Variants in CDH3 observed in about 807,000 individuals in gnomAD.
CDH3 encodes cadherin 3.
Under a neutral mutation model 82.0 loss-of-function variants are expected in CDH3, and 54 were observed. The observed-to-expected ratio is 0.66, with a 90% CI of 0.53 to 0.83. CDH3 has a LOEUF of 0.83. Ranked by LOEUF, CDH3 falls within the 40% of genes least tolerant of loss-of-function variation. The pLI, the probability that CDH3 is intolerant of heterozygous loss-of-function variation, is 0.00. For synonymous variants in CDH3, 446 were observed against 437.9 expected, an observed-to-expected ratio of 1.02 and a Z score of -0.23; for missense variants, 1,054 against 1,084.6, an observed-to-expected ratio of 0.97 and a Z score of 0.40.
At chr16:68,663,607 G>T (rs1960657480) in intron 2 of CDH3, among the ~76,000 whole-genome samples, 1 of 151,886 alleles carries the variant, frequency 6.6e-6, no homozygotes, top group Non-Finnish European at 1.5e-5. Context: ...TTTTTAAATG[G>T]AGATTTTTGC....
chr16:68,700,457 G>C (rs759650365), downstream of CDH3, among the ~76,000 whole-genome samples: 1 of 152,218 alleles, frequency 6.6e-6, no homozygotes, highest in African/African-American at 2.4e-5. Context: ...AGACTCTGAA[G>C]GATGAGGCCA....
intron 1 of CDH3, among the ~76,000 whole-genome samples, chr16:68,716,887 A>AT (rs1157497529): frequency 6.9e-6 from 1 of 144,908 alleles, no homozygotes; most frequent in Admixed American, 7.0e-5. Flanking sequence ...CCATGCCCAG[A>AT]TTTTTTTCTT....
intron 2 of CDH3, among the ~76,000 whole-genome samples, chr16:68,647,065 A>AG (rs1279083270): frequency 6.6e-6 from 1 of 152,186 alleles, no homozygotes; most frequent in African/African-American, 2.4e-5. Flanking sequence ...GGCTGTAGGG[A>AG]GCTGAGGAGA....
intron 2 of CDH3, chr16:68,651,877 C>A: frequency 2.2e-6 from 1 of 461,436 alleles, no homozygotes; most frequent in South Asian, 1.8e-5. Flanking sequence ...TTCTGGGGGT[C>A]ATATCTGGAC....
intron 2 of CDH3, among the ~76,000 whole-genome samples, chr16:68,666,787 T>A (rs913176434): frequency 1.3e-5 from 2 of 152,206 alleles, no homozygotes; most frequent in Non-Finnish European, 2.9e-5. Flanking sequence ...GCAAAATACT[T>A]TTTCCTGGGT....
chr16:68,713,301 A>T (rs1252554379), intron 1 of CDH3, among the ~76,000 whole-genome samples: 1 of 152,090 alleles, frequency 6.6e-6, no homozygotes, highest in Admixed American at 6.6e-5. Context: ...AGGGGGAAAA[A>T]GTTCCCTAAT....
Position 68,686,412 on chromosome 16 carries a change from C to T in CDH3, c.1570+1062C>T, listed in dbSNP as rs545531861. The T allele has an allele frequency of 1.5e-5, 21 of 1,362,040 alleles. 1 individual carries two copies. The South Asian group carries it at 2.3e-4, about 15-fold the overall frequency. 84.4% of individuals were successfully genotyped at this position (1,362,040 alleles called of 1,614,324 possible). On this transcript the variant is annotated intron_variant, in intron 11 of 15. Coordinates refer to ENST00000264012, the MANE Select transcript of CDH3 (RefSeq NM_001793.6). ...ACAAGCATTTAGAAAGTTTCTTCCA[C>T]TCTTTGACCGAGTATTGGTTGAAAG...
chr16:68,687,668 C>T lies in CDH3; in HGVS notation c.1727C>T (p.Thr576Ile). The T allele has an allele frequency of 6.2e-7, 1 of 1,614,106 alleles. No individual in the cohort carries two copies. Among genetic ancestry groups the T allele is most frequent in the Non-Finnish European group, 8.5e-7 (1 of 1,180,014 alleles). ...ACGGACAAGGACCTGTCTCCCCACACCTCCCCTTTCCAGGCCCAGCTCACA... is the reference window on the plus strand; with the variant it reads ...ACGGACAAGGACCTGTCTCCCCACATCTCCCCTTTCCAGGCCCAGCTCACA... Reference protein sequence around the residue: ...NITDKDLSPHTSPFQAQLTDD... With the variant: ...NITDKDLSPHISPFQAQLTDD... The change falls in exon 12 of 16, where the codon ACC becomes ATC. Residue 576 changes from threonine to isoleucine, a missense_variant. Coordinates refer to ENST00000264012, the MANE Select transcript of CDH3 (RefSeq NM_001793.6).
intron 2 of CDH3, chr16:68,651,951 A>G: frequency 3.0e-6 from 1 of 334,084 alleles, no homozygotes; most frequent in Non-Finnish European, 6.1e-6. Context: ...TTGCATGGAG[A>G]ATACGGCTGG....
intron 9 of CDH3, among the ~76,000 whole-genome samples, chr16:68,683,389 C>T (rs903186984): frequency 1.3e-5 from 2 of 152,162 alleles, no homozygotes; most frequent in Non-Finnish European, 2.9e-5. Context: ...CTGTGGCTCA[C>T]GCCTGTAATC....
At chr16:68,671,605 T>A (rs1406009604) in intron 2 of CDH3, among the ~76,000 whole-genome samples, 2 of 143,222 alleles carry the variant, frequency 1.4e-5, no homozygotes, top group African/African-American at 5.1e-5. Context: ...TACTGCAACC[T>A]CTGTCTCCTG....
At chr16:68,662,393 G>A (rs202049587) in intron 2 of CDH3, among the ~76,000 whole-genome samples, 8 of 152,246 alleles carry the variant, frequency 5.3e-5, no homozygotes, top group East Asian at 1.9e-4. Flanking sequence ...AGGAGGTCTA[G>A]GCTGTAGTGC....
intron 1 of CDH3, among the ~76,000 whole-genome samples, chr16:68,712,745 G>A (rs1394485160): frequency 2.0e-5 from 3 of 151,596 alleles, no homozygotes; most frequent in African/African-American, 7.3e-5. Context: ...GCAGTGGCTC[G>A]ATCTTGGCTC....
At chr16:68,691,686 T>A in intron 12 of CDH3, 34 bp from the exon 13 acceptor site, 1 of 1,554,804 alleles carries the variant, frequency 6.4e-7, no homozygotes, top group South Asian at 1.1e-5. Context: ...GCACTGATGG[T>A]TCCCACAGCT....
chr16:68,666,698 T>C (rs1960742966), intron 2 of CDH3, among the ~76,000 whole-genome samples: 1 of 152,214 alleles, frequency 6.6e-6, no homozygotes, highest in Non-Finnish European at 1.5e-5. Context: ...GGTACAAGAA[T>C]AAAACTATAA....
At chr16:68,682,562 C>A in intron 9 of CDH3, 75 bp downstream of exon 9, 1 of 1,410,176 alleles carries the variant, frequency 7.1e-7, no homozygotes, top group Non-Finnish European at 1.0e-6. Context: ...TGAGGAGCCA[C>A]TGTCTACCGT....
chr16:68,724,961 G>A (rs918431012), intron 2 of CDH3, among the ~76,000 whole-genome samples: 9 of 152,150 alleles, frequency 5.9e-5, no homozygotes, highest in African/African-American at 2.2e-4. Context: ...TCCGTCCCAA[G>A]TAGACAGAGT....
At chr16:68,709,875 C>T (rs1962006402) in intron 1 of CDH3, among the ~76,000 whole-genome samples, 1 of 152,216 alleles carries the variant, frequency 6.6e-6, no homozygotes, top group African/African-American at 2.4e-5. Context: ...CCATGGAGTC[C>T]TCCCAGATAT....
At chr16:68,722,051 T>C (rs1962170925) in intron 1 of CDH3, among the ~76,000 whole-genome samples, 5 of 152,162 alleles carry the variant, frequency 3.3e-5, no homozygotes, top group Admixed American at 3.3e-4. Context: ...ATGGCACTAC[T>C]GCACTCCAAC....
Sources: gnomAD v4.1 joint callset for allele counts (sites outside exome capture counted in the v4.1 genomes callset) on GRCh38, gnomAD v4.1.1 for gene constraint, MANE v1.5 for transcripts, NCBI Gene and HGNC (gene_info 2026-07-23, HGNC 2026-07-21) for gene names.